The following HPSE2 variants were observed in gnomAD, a reference collection of about 807,000 sequenced individuals.
The protein encoded by HPSE2 is heparanase 2 (inactive), also known as inactive heparanase-2.
In HPSE2, 38 loss-of-function variants were observed where a neutral mutation model predicts 60.5. That is an observed-to-expected ratio of 0.63 (90% CI 0.48 to 0.82). HPSE2 has a LOEUF of 0.82. HPSE2 is among the 40% of genes least tolerant of loss of function. The pLI is 0.00. For synonymous variants in HPSE2, 295 were observed against 293.2 expected, an observed-to-expected ratio of 1.01 and a Z score of -0.06; for missense variants, 713 against 740.4, an observed-to-expected ratio of 0.96 and a Z score of 0.43.
rs190416715 is a variant in HPSE2, at chr10:98,469,236, G to A, written c.1614-9497C>T. On this transcript the variant is annotated intron_variant, in intron 11 of 11. Transcript: ENST00000370552. The stretch of plus-strand genomic sequence containing the variant: ...AGGAACCTGGATTTATACTGATATT[G>A]TTAACTCCCAGCAGATGAGGGAATC... Among the ~76,000 whole-genome samples the A allele has an allele frequency of 2.6e-5, 4 of 152,272 alleles. No homozygotes were observed. In the East Asian group the frequency reaches 7.7e-4, roughly 29 times the overall value.
chr10:99,009,966 C>G (rs1956975519), intron 3 of HPSE2, among the ~76,000 whole-genome samples: 1 of 152,182 alleles, frequency 6.6e-6, no homozygotes, highest in Admixed American at 6.5e-5. Flanking sequence ...TATTTTGTCC[C>G]AAGTTGCTAA....
intron 3 of HPSE2, among the ~76,000 whole-genome samples, chr10:99,133,686 T>C (rs922275027): frequency 6.6e-6 from 1 of 151,532 alleles, no homozygotes; most frequent in Admixed American, 6.6e-5. Flanking sequence ...TAGAAAAAAA[T>C]AGCACATCCA....
At chr10:99,276,353 A>G in the HPSE2 span, among the ~76,000 whole-genome samples, 3 of 152,160 alleles carry the variant, frequency 2.0e-5, no homozygotes, top group Non-Finnish European at 2.9e-5. Context: ...AGAAAACTCT[A>G]TAGAAAAGTA....
At chr10:99,136,143 A>G (rs977877405) in intron 3 of HPSE2, among the ~76,000 whole-genome samples, 2 of 152,222 alleles carry the variant, frequency 1.3e-5, no homozygotes, top group Admixed American at 1.3e-4. Context: ...ATCTAGAAGA[A>G]ATGGATAAAT....
intron 9 of HPSE2, among the ~76,000 whole-genome samples, chr10:98,587,840 G>A (rs756689091): frequency 3.0e-4 from 45 of 152,200 alleles, no homozygotes; most frequent in Non-Finnish European, 6.2e-4. Context: ...AAAGTGTCAT[G>A]AGAATGATAT....
chr10:99,019,716 G>T (rs1179809476), intron 3 of HPSE2, among the ~76,000 whole-genome samples: 158 of 144,840 alleles, frequency 1.1e-3, no homozygotes, highest in Admixed American at 2.1e-3. Context: ...GTTTTTTGTT[G>T]TTTTTTTTTT....
At chr10:98,481,552 A>G (rs1474528951) in intron 11 of HPSE2, among the ~76,000 whole-genome samples, 1 of 152,204 alleles carries the variant, frequency 6.6e-6, no homozygotes, top group Non-Finnish European at 1.5e-5. Flanking sequence ...CGCAATGTAC[A>G]TGTAGCCAGA....
chr10:98,494,186 G>C (rs1941753412), intron 9 of HPSE2, among the ~76,000 whole-genome samples: 1 of 152,152 alleles, frequency 6.6e-6, no homozygotes, highest in South Asian at 2.1e-4. Context: ...CCTGCAGAAA[G>C]GGTACACCTG....
At chr10:98,831,171 T>C (rs1477504281) in intron 3 of HPSE2, among the ~76,000 whole-genome samples, 1 of 152,180 alleles carries the variant, frequency 6.6e-6, no homozygotes, top group Admixed American at 6.5e-5. Flanking sequence ...TCATCTGCTA[T>C]GCCAATCAGA....
At chr10:99,281,907 A>G in the HPSE2 span, among the ~76,000 whole-genome samples, 3 of 152,164 alleles carry the variant, frequency 2.0e-5, no homozygotes, top group Non-Finnish European at 2.9e-5. Context: ...AGTAACCAAA[A>G]GAGAGCTGAG....
At chr10:99,311,091 A>G in the HPSE2 span, among the ~76,000 whole-genome samples, 1 of 152,224 alleles carries the variant, frequency 6.6e-6, no homozygotes, top group Non-Finnish European at 1.5e-5. Context: ...TGATACAAAA[A>G]AGTATGATAA....
chr10:99,082,986 G>A (rs1193904308), intron 3 of HPSE2, among the ~76,000 whole-genome samples: 1 of 152,156 alleles, frequency 6.6e-6, no homozygotes, highest in Non-Finnish European at 1.5e-5. Context: ...ACAGCACTGA[G>A]GAAGCCTTTG....
chr10:98,838,546 C>T (rs1951843765), intron 3 of HPSE2, among the ~76,000 whole-genome samples: 1 of 151,310 alleles, frequency 6.6e-6, no homozygotes, highest in Non-Finnish European at 1.5e-5. Flanking sequence ...TGCATCAGTC[C>T]CCCGAGTAGC....
the HPSE2 span, among the ~76,000 whole-genome samples, chr10:99,307,475 G>T: frequency 2.4e-4 from 36 of 152,242 alleles, no homozygotes; most frequent in African/African-American, 8.4e-4. Context: ...CACTCATGTG[G>T]AGGAGAAGTA....
intron 2 of HPSE2, among the ~76,000 whole-genome samples, chr10:99,179,972 C>G (rs902684033): frequency 1.3e-5 from 2 of 152,178 alleles, no homozygotes; most frequent in East Asian, 1.9e-4. Context: ...CTACAACCAT[C>G]TGATCTTTGA....
intron 9 of HPSE2, among the ~76,000 whole-genome samples, chr10:98,538,865 C>G (rs1416051024): frequency 6.6e-6 from 1 of 152,138 alleles, no homozygotes; most frequent in Admixed American, 6.5e-5. Flanking sequence ...TACAAGTGAA[C>G]AGAGGCATAA....
chr10:99,170,177 T>C (rs1477013580), intron 2 of HPSE2, among the ~76,000 whole-genome samples: 1 of 152,304 alleles, frequency 6.6e-6, no homozygotes, highest in African/African-American at 2.4e-5. Context: ...CACAGCCATT[T>C]TGTACCAAGG....
intron 11 of HPSE2, among the ~76,000 whole-genome samples, chr10:98,463,617 C>A (rs932624326): frequency 3.3e-5 from 5 of 151,146 alleles, no homozygotes; most frequent in African/African-American, 1.2e-4. Flanking sequence ...GCCTGGGCAA[C>A]ATAGTGAGAC....
chr10:99,153,033 G>A (rs932246858), intron 2 of HPSE2, among the ~76,000 whole-genome samples: 2 of 152,230 alleles, frequency 1.3e-5, no homozygotes, highest in Non-Finnish European at 2.9e-5. Context: ...CAAATATTGC[G>A]CATTTCGGAC....
Sources: gnomAD v4.1 joint callset for allele counts (sites outside exome capture counted in the v4.1 genomes callset) on GRCh38, gnomAD v4.1.1 for gene constraint, MANE v1.5 for transcripts, NCBI Gene and HGNC (gene_info 2026-07-23, HGNC 2026-07-21) for gene names.